Variants in TIAL1 observed in about 807,000 individuals in gnomAD.
TIAL1 encodes nucleolysin TIAR.
Under a neutral mutation model 59.7 loss-of-function variants are expected in TIAL1, and 7 were observed. That is an observed-to-expected ratio of 0.12 (90% CI 0.07 to 0.22). The LOEUF is 0.22. TIAL1 is among the 10% of genes least tolerant of loss of function. The probability of loss-of-function intolerance (pLI) is 1.00; values close to 1 mark genes in which losing one functional copy is unlikely to be tolerated. For missense variants in TIAL1, 225 were observed against 462.5 expected (o/e 0.49, Z 4.71); for synonymous variants, 149 against 146.3 (o/e 1.02, Z -0.13).
rs1844820579 is a variant in TIAL1 at position 119,573,864 on chromosome 10, A to T, written c.*1801T>A. The T allele has an allele frequency of 6.6e-6, 1 of 152,226 alleles. No homozygotes were observed. The highest frequency in any genetic ancestry group is 2.4e-5 in the African/African-American group (1 of 41,466). 9.4% of individuals were successfully genotyped at this position (152,226 alleles called of 1,614,324 possible). On this transcript the variant is annotated 3_prime_UTR_variant, in exon 12 of 12. Transcript: ENST00000436547. ...AATTTGGCCCAGCTATGAATTTCAG[A>T]CCCTATGAATTTTTATGTTGAATAC...
At chr10:119,590,567 G>A (rs1051066259) in intron 1 of TIAL1, among the ~76,000 whole-genome samples, 1 of 151,786 alleles carries the variant, frequency 6.6e-6, no homozygotes, top group East Asian at 1.9e-4. Flanking sequence ...AAAATTAGCC[G>A]GGCATGGTGG....
chr10:119,591,230 C>A (rs1359621938), intron 1 of TIAL1, among the ~76,000 whole-genome samples: 1 of 151,870 alleles, frequency 6.6e-6, no homozygotes, highest in African/African-American at 2.4e-5. Flanking sequence ...ATGGTGAAAC[C>A]CCGTCTCTAC....
chr10:119,582,300 T>G lies in TIAL1; in HGVS notation c.229-77A>C, dbSNP rs1845342560. On this transcript the variant is annotated intron_variant, in intron 3 of 11. Transcript: ENST00000436547. This position sits in a 1 kb window ranked among gnomAD's most constrained non-coding sequence, Gnocchi z 5.1. ...AACACTTACCACTTATTAAATCATT[T>G]ATCAAGCAGGGTTATTTTTGTAAAA... The G allele has an allele frequency of 2.0e-6, 3 of 1,476,274 alleles. No homozygotes were observed. Among genetic ancestry groups the G allele is most frequent in the Admixed American group, 2.2e-5 (1 of 46,380 alleles). 91.4% of individuals were successfully genotyped at this position (1,476,274 alleles called of 1,614,324 possible). A position where few individuals can be genotyped will look rare whatever the true frequency, so the allele number is the denominator to read the frequency against.
chr10:119,574,038 A>T lies in TIAL1; in HGVS notation c.*1627T>A, dbSNP rs970270573. On this transcript the variant is annotated 3_prime_UTR_variant, in exon 12 of 12. Coordinates refer to ENST00000436547, the MANE Select transcript of TIAL1 (RefSeq NM_003252.4). ...TTGTGGGTACTAATCGCATCTTACT[A>T]TGTAACTGTAAAAGGCTATTTTCTC... is the stretch of plus-strand genomic sequence containing the variant. 3 of 152,670 alleles carry T rather than the reference A, an allele frequency of 2.0e-5. No homozygotes were observed. Among genetic ancestry groups the T allele is most frequent in the Non-Finnish European group, 4.4e-5 (3 of 68,042 alleles). The allele number at this position is 152,670 out of a possible 1,614,324, so 9.5% of individuals were successfully genotyped here.
At chr10:119,579,774 A>G (rs1450864021) in intron 6 of TIAL1, among the ~76,000 whole-genome samples, 161 bp downstream of exon 6, 2 of 152,224 alleles carry the variant, frequency 1.3e-5, no homozygotes, top group African/African-American at 4.8e-5. Flanking sequence ...TTTATGAAAG[A>G]GGAATGAAAT....
At chr10:119,594,088 C>T (rs1846027323) in intron 1 of TIAL1, among the ~76,000 whole-genome samples, 1 of 146,348 alleles carries the variant, frequency 6.8e-6, no homozygotes. Context: ...AAAAAAGGCC[C>T]TATGGAAAAG....
chr10:119,588,158 T>G lies in TIAL1; in HGVS notation c.123A>C (p.Ile41=), dbSNP rs771949944. Residue 41 remains isoleucine, a synonymous_variant, in exon 2 of 12, where the codon ATA becomes ATC. Coordinates refer to ENST00000436547, the MANE Select transcript of TIAL1 (RefSeq NM_003252.4). ...GGAACTGGGAAGATCTTACCTCTGTTATCATTTTACAGCTTTTACAGGGTC... is the reference window on the plus strand; with the variant it reads ...GGAACTGGGAAGATCTTACCTCTGTGATCATTTTACAGCTTTTACAGGGTC... ...QIGPCKSCKM[I]TEHTSNDPYC... The G allele has an allele frequency of 6.4e-7, 1 of 1,562,068 alleles. No homozygotes were observed.
intron 1 of TIAL1, among the ~76,000 whole-genome samples, chr10:119,589,630 T>C (rs1189400023): frequency 1.3e-5 from 2 of 152,232 alleles, no homozygotes; most frequent in Non-Finnish European, 2.9e-5. Flanking sequence ...GGGTTTTTTT[T>C]CCTAATTACA....
chr10:119,576,418 C>A (rs865954845), intron 11 of TIAL1, among the ~76,000 whole-genome samples, 193 bp downstream of exon 11: 1 of 152,184 alleles, frequency 6.6e-6, no homozygotes, highest in Non-Finnish European at 1.5e-5. Flanking sequence ...CCCAATCCCC[C>A]CTTTCCACCT....
intron 2 of TIAL1, among the ~76,000 whole-genome samples, chr10:119,583,261 G>T (rs543522666): frequency 6.6e-6 from 1 of 152,102 alleles, no homozygotes; most frequent in Admixed American, 6.5e-5. Flanking sequence ...CAAGAAAAGA[G>T]GTTCTGAAAA....
rs534442317 is a variant in TIAL1, at chr10:119,576,358, T to C, written c.1001+253A>G. On this transcript the variant is annotated intron_variant, in intron 11 of 11. Coordinates refer to ENST00000436547, the MANE Select transcript of TIAL1 (RefSeq NM_003252.4). ...AATAAAAGTGTATCAGAAATGTAAA[T>C]CAAATTCTACCAACTGCTTACAGGG... is the stretch of plus-strand genomic sequence containing the variant. Among the ~76,000 whole-genome samples, 20 of 152,234 alleles carry C rather than the reference T, an allele frequency of 1.3e-4. 1 individual carries two copies. In the South Asian group the frequency reaches 3.1e-3, roughly 24 times the overall value.
intron 1 of TIAL1, among the ~76,000 whole-genome samples, chr10:119,589,251 G>A (rs1461929794): frequency 6.6e-6 from 1 of 152,266 alleles, no homozygotes; most frequent in East Asian, 1.9e-4. Context: ...TGTCACCCAG[G>A]CTGGAGTGCA....
At chr10:119,579,171 C>T (rs1460125693) in intron 6 of TIAL1, among the ~76,000 whole-genome samples, 29 of 151,906 alleles carry the variant, frequency 1.9e-4, no homozygotes, top group Admixed American at 1.9e-3. Flanking sequence ...AACCATGTCT[C>T]TACCAAAAAT....
intron 10 of TIAL1, 47 bp from the exon 11 acceptor site, chr10:119,576,797 G>A (rs200876245): frequency 1.6e-5 from 26 of 1,599,432 alleles, no homozygotes; most frequent in Middle Eastern, 1.7e-4. Flanking sequence ...AAGAAACACC[G>A]TATATGAAGA....
At chr10:119,580,390 T>A in intron 5 of TIAL1, 1 of 545,306 alleles carries the variant, frequency 1.8e-6, no homozygotes, top group Non-Finnish European at 2.4e-6. Flanking sequence ...AATAGTTAAA[T>A]GTCTTCTGCC....
intron 1 of TIAL1, 41 bp downstream of exon 1, chr10:119,596,393 G>C (rs768689064): frequency 6.2e-7 from 1 of 1,609,678 alleles, no homozygotes; most frequent in Non-Finnish European, 8.5e-7. Flanking sequence ...CGCGGTGCCC[G>C]GGCCTCTTGG....
At chr10:119,580,677 T>A in intron 5 of TIAL1, 1 of 997,410 alleles carries the variant, frequency 1.0e-6, no homozygotes. Flanking sequence ...ATTGGAAATA[T>A]AGAACTCCAC....
intron 1 of TIAL1, among the ~76,000 whole-genome samples, chr10:119,593,248 T>C (rs939982563): frequency 6.6e-6 from 1 of 152,174 alleles, no homozygotes; most frequent in African/African-American, 2.4e-5. Context: ...CATGATCTTG[T>C]TTGTTTTTTT....
At chr10:119,592,259 G>C (rs1845919032) in intron 1 of TIAL1, 1 of 152,174 alleles carries the variant, frequency 6.6e-6, no homozygotes, top group Admixed American at 6.5e-5. Context: ...GCATACCTTA[G>C]AGTCTATTTT....
Sources: allele counts gnomAD v4.1 joint callset (sites outside exome capture counted in the v4.1 genomes callset), GRCh38; gene constraint gnomAD v4.1.1; non-coding constraint Gnocchi (gnomAD v3.1); transcripts MANE v1.5; gene names NCBI Gene and HGNC (gene_info 2026-07-23, HGNC 2026-07-21).